SMYD3: variants seen among roughly 807,000 people sequenced by gnomAD.
SMYD3 encodes the protein SET and MYND domain containing 3, also known as histone-lysine N-methyltransferase SMYD3.
SMYD3 carries 36 observed loss-of-function variants against 57.7 expected under a neutral mutation model. That is an observed-to-expected ratio of 0.62 (90% CI 0.48 to 0.82). SMYD3 has a LOEUF of 0.82. SMYD3 is among the 40% of genes least tolerant of loss of function. The probability of loss-of-function intolerance (pLI) is 0.00; values close to 1 mark genes in which losing one functional copy is unlikely to be tolerated. For missense variants in SMYD3, 515 were observed against 538.8 expected, an observed-to-expected ratio of 0.96 and a Z score of 0.44; for synonymous variants, 211 against 195.0, an observed-to-expected ratio of 1.08 and a Z score of -0.68.
intron 10 of SMYD3, among the ~76,000 whole-genome samples, chr1:245,770,422 C>G (rs2046288532): frequency 6.6e-6 from 1 of 152,198 alleles, no homozygotes; most frequent in Non-Finnish European, 1.5e-5. Flanking sequence ...TACAATCTAT[C>G]TAGGTATAGT....
At chr1:246,483,136 A>T (rs2103061733) in intron 1 of SMYD3, among the ~76,000 whole-genome samples, 1 of 152,288 alleles carries the variant, frequency 6.6e-6, no homozygotes, top group East Asian at 1.9e-4. Context: ...CTCCTCTAAA[A>T]ATGTTCCTTT....
At chr1:245,948,715 C>T (rs908920728) in intron 5 of SMYD3, among the ~76,000 whole-genome samples, 1 of 152,194 alleles carries the variant, frequency 6.6e-6, no homozygotes, top group African/African-American at 2.4e-5. Context: ...ACTGCTGGCT[C>T]CTGCTGCTGC....
At chr1:246,324,995 A>T (rs2065316241) in intron 5 of SMYD3, among the ~76,000 whole-genome samples, 1 of 110,300 alleles carries the variant, frequency 9.1e-6, no homozygotes, top group Non-Finnish European at 1.8e-5. Flanking sequence ...AGGGGGCGGG[A>T]AGGAGGGAGA....
chr1:246,461,537 CAT>C (rs1455274544), intron 1 of SMYD3, among the ~76,000 whole-genome samples: 1 of 151,712 alleles, frequency 6.6e-6, no homozygotes, highest in Non-Finnish European at 1.5e-5. Flanking sequence ...TTTTCAAAAA[CAT>C]ATACTTGCTA....
chr1:246,398,088 TAGAGACGTCATCTGTAGG>T (rs1406469969), intron 1 of SMYD3, among the ~76,000 whole-genome samples: 1 of 152,144 alleles, frequency 6.6e-6, no homozygotes, highest in African/African-American at 2.4e-5. Context: ...GGCTCTACAA[TAGAGACGTCATCTGTAGG>T]AGCAATTGGA....
At chr1:245,793,050 C>A (rs1289840694) in intron 10 of SMYD3, among the ~76,000 whole-genome samples, 1 of 143,720 alleles carries the variant, frequency 7.0e-6, no homozygotes, top group Non-Finnish European at 1.5e-5. Context: ...GTGGCTCATG[C>A]CTGTAATCCC....
intron 5 of SMYD3, among the ~76,000 whole-genome samples, chr1:246,062,325 G>A (rs577306059): frequency 5.3e-5 from 8 of 152,176 alleles, no homozygotes; most frequent in South Asian, 4.1e-4. Flanking sequence ...GCCTTTCTGC[G>A]AGAAAAAACA....
intron 5 of SMYD3, among the ~76,000 whole-genome samples, chr1:245,932,971 C>T (rs1436019079): frequency 1.3e-5 from 2 of 152,164 alleles, no homozygotes; most frequent in Non-Finnish European, 2.9e-5. Context: ...CTCCATCCAG[C>T]ACTATCTCAA....
At chr1:246,349,327 G>A (rs183437726) in intron 2 of SMYD3, among the ~76,000 whole-genome samples, 52 of 150,612 alleles carry the variant, frequency 3.5e-4, no homozygotes, top group African/African-American at 1.1e-3. Context: ...AGCAGGGGCC[G>A]GGCACAGTGG....
At chr1:246,030,232 A>G (rs1191375937) in intron 5 of SMYD3, among the ~76,000 whole-genome samples, 1 of 152,204 alleles carries the variant, frequency 6.6e-6, no homozygotes, top group Non-Finnish European at 1.5e-5. Context: ...AGTACTATTC[A>G]GCCATAGAAA....
chr1:246,281,667 A>C (rs2064445296), intron 5 of SMYD3, among the ~76,000 whole-genome samples: 1 of 152,204 alleles, frequency 6.6e-6, no homozygotes, highest in Non-Finnish European at 1.5e-5. Context: ...ACAAATGAAA[A>C]TATTATTGAA....
chr1:245,749,589 A>G lies in SMYD3; in HGVS notation c.1261T>C (p.Cys421Arg). 1 of 1,614,192 alleles carries G rather than the reference A, an allele frequency of 6.2e-7. No homozygotes were observed. The highest frequency in any genetic ancestry group is 1.1e-5 in the South Asian group (1 of 91,078). Residue 421 changes from cysteine (C) to arginine (R), a missense_variant, in exon 12 of 12, where the codon TGC (cysteine) becomes CGC (arginine). By Grantham distance (180) the Cys-to-Arg change is radical (BLOSUM62 -3). Transcript: ENST00000490107. ...IEDLILLLEE[C>R]DANIRAS ...TAGGATGCTCTGATGTTGGCGTCGC[A>G]TTCTTCTAAAAGTAGAATCAAATCT...
intron 5 of SMYD3, among the ~76,000 whole-genome samples, chr1:245,968,719 G>A (rs1273171932): frequency 2.0e-5 from 3 of 152,142 alleles, no homozygotes; most frequent in Admixed American, 6.5e-5. Flanking sequence ...GGACACAATG[G>A]TACCTGTGTT....
intron 10 of SMYD3, among the ~76,000 whole-genome samples, chr1:245,803,557 G>A (rs1176631856): frequency 6.6e-6 from 1 of 152,170 alleles, no homozygotes; most frequent in Admixed American, 6.5e-5. Flanking sequence ...AATGATGGTG[G>A]GAAGAAGATG....
chr1:246,204,220 AT>A lies in SMYD3; in HGVS notation c.531+122980del, dbSNP rs2062963006. Among the ~76,000 whole-genome samples, 4 of 152,212 alleles carry A rather than the reference AT, an allele frequency of 2.6e-5. No individual in the cohort carries two copies. In the South Asian group the frequency reaches 8.3e-4, roughly 32 times the overall value. On this transcript the variant is annotated intron_variant, in intron 5 of 11. Coordinates refer to ENST00000490107, the MANE Select transcript of SMYD3 (RefSeq NM_001167740.2). ...TAGGTTTATAATCTATTTTTCCCCTATTTTTTCCCTATAATCTCTTAAATTT... is the reference window on the plus strand; with the variant it reads ...TAGGTTTATAATCTATTTTTCCCCTATTTTTCCCTATAATCTCTTAAATTT...
At chr1:245,920,387 T>G (rs1374597347) in intron 7 of SMYD3, among the ~76,000 whole-genome samples, 1 of 151,416 alleles carries the variant, frequency 6.6e-6, no homozygotes. Flanking sequence ...AATTCCGTGA[T>G]CACAGTTATG....
At chr1:245,971,382 C>T (rs904734592) in intron 5 of SMYD3, among the ~76,000 whole-genome samples, 3 of 151,892 alleles carry the variant, frequency 2.0e-5, no homozygotes, top group East Asian at 1.9e-4. Flanking sequence ...CACCATGGCA[C>T]GTGTATACCT....
chr1:245,830,827 G>A (rs913431379), intron 10 of SMYD3, among the ~76,000 whole-genome samples: 3 of 152,064 alleles, frequency 2.0e-5, no homozygotes, highest in African/African-American at 7.2e-5. Context: ...AGAAGAGACA[G>A]GTATTTCTTT....
intron 5 of SMYD3, among the ~76,000 whole-genome samples, chr1:246,112,635 T>G (rs1322967179): frequency 6.6e-6 from 1 of 152,352 alleles, no homozygotes; most frequent in South Asian, 2.1e-4. Flanking sequence ...CCGTGAATAA[T>G]GTGTATTTTG....
Sources: gnomAD v4.1 joint callset for allele counts (sites outside exome capture counted in the v4.1 genomes callset) on GRCh38, gnomAD v4.1.1 for gene constraint, MANE v1.5 for transcripts, NCBI Gene and HGNC (gene_info 2026-07-23, HGNC 2026-07-21) for gene names.